AK9: variants seen among roughly 807,000 people sequenced by gnomAD.
AK9 encodes the protein adenylate kinase domain containing 1.
Under a neutral mutation model 239.6 loss-of-function variants are expected in AK9, and 191 were observed. The observed-to-expected ratio is 0.80, with a 90% CI of 0.71 to 0.90. The LOEUF (loss-of-function observed/expected upper bound fraction) is 0.90, where lower values mean the gene tolerates loss of function less well. Among genes scored for constraint, AK9 ranks in the 40% least tolerant of loss-of-function variants. The pLI, the probability that AK9 is intolerant of heterozygous loss-of-function variation, is 0.00. For missense variants in AK9, 1,995 were observed against 2,214.7 expected (o/e 0.90, Z 1.99); for synonymous variants, 689 against 721.0 (o/e 0.96, Z 0.71).
At chr6:109,649,202 C>T (rs1798545154) in intron 8 of AK9, among the ~76,000 whole-genome samples, 1 of 152,108 alleles carries the variant, frequency 6.6e-6, no homozygotes, top group African/African-American at 2.4e-5. Context: ...TGCCCTCTCT[C>T]ACCACTCCTA....
intron 26 of AK9, among the ~76,000 whole-genome samples, chr6:109,543,789 G>A (rs1783188930): frequency 6.6e-6 from 1 of 151,836 alleles, no homozygotes; most frequent in Non-Finnish European, 1.5e-5. Context: ...AGTTTCTCCT[G>A]AACGCTACTA....
At chr6:109,651,931 A>C (rs903707919) in intron 8 of AK9, among the ~76,000 whole-genome samples, 1 of 152,164 alleles carries the variant, frequency 6.6e-6, no homozygotes, top group Non-Finnish European at 1.5e-5. Flanking sequence ...CAACCAAAAA[A>C]AGTCCAGGAC....
Position 109,545,589 on chromosome 6 carries a change from T to G in AK9, c.3225+278A>C, listed in dbSNP as rs548578462. Among the ~76,000 whole-genome samples the G allele has an allele frequency of 2.0e-5, 3 of 152,300 alleles. No individual in the cohort carries two copies. The East Asian group carries it at 5.8e-4, about 29-fold the overall frequency. ...TCCTCCTTGCCTTCTGCCATGACTG[T>G]GAAGCCTCCCCAGCCACATGGAACT... On this transcript the variant is annotated intron_variant, in intron 26 of 40. Transcript: ENST00000424296.
chr6:109,530,283 T>G lies in AK9; in HGVS notation c.3571-1210A>C, dbSNP rs542620647. Among the ~76,000 whole-genome samples, 13 of 152,282 alleles carry G rather than the reference T, an allele frequency of 8.5e-5. No individual in the cohort carries two copies. The East Asian group carries it at 2.5e-3, about 29-fold the overall frequency. ...GCAGAACCTGGGTGCTTTCATCTGGTTGCTATTGAGTACACATTCCTGAGA... is the reference window on the plus strand; with the variant it reads ...GCAGAACCTGGGTGCTTTCATCTGGGTGCTATTGAGTACACATTCCTGAGA... On this transcript the variant is annotated intron_variant, in intron 28 of 40. Coordinates refer to ENST00000424296, the MANE Select transcript of AK9 (RefSeq NM_001145128.3).
At chr6:109,604,896 T>A (rs1344288961) in intron 17 of AK9, among the ~76,000 whole-genome samples, 1 of 152,236 alleles carries the variant, frequency 6.6e-6, no homozygotes, top group African/African-American at 2.4e-5. Flanking sequence ...GGATCCTTCA[T>A]CTTTATTTCA....
At chr6:109,494,391 C>T (rs895313866) in intron 39 of AK9, 1 of 235,632 alleles carries the variant, frequency 4.2e-6, no homozygotes, top group Non-Finnish European at 8.2e-6. Flanking sequence ...TTTTTTATAA[C>T]AAAAAGTTAA....
At chr6:109,495,983 A>T (rs59579490) in intron 38 of AK9, among the ~76,000 whole-genome samples, 7,235 of 137,746 alleles carry the variant, frequency 0.053, 275 homozygotes, top group East Asian at 0.11. Flanking sequence ...TTCCCCATTT[A>T]AAAAAAAAAA....
chr6:109,507,671 A>T (rs1778249795), intron 33 of AK9, among the ~76,000 whole-genome samples: 1 of 152,202 alleles, frequency 6.6e-6, no homozygotes, highest in Admixed American at 6.5e-5. Context: ...GGTGGTCATC[A>T]GGAAGTTTGG....
At chr6:109,570,401 A>G (rs978133204) in intron 21 of AK9, among the ~76,000 whole-genome samples, 1 of 152,150 alleles carries the variant, frequency 6.6e-6, no homozygotes, top group Non-Finnish European at 1.5e-5. Context: ...CATGTTGTGC[A>G]CATGTACCCT....
At position 109,498,928 on chromosome 6, in the gene AK9, C is replaced by T. The variant is rs997227611; in HGVS notation, c.5046+116G>A. 1.9e-4 allele frequency: 156 copies of T among 834,494 alleles called. 1 individual carries two copies. In the African/African-American group the frequency reaches 2.6e-3, roughly 14 times the overall value. The allele number at this position is 834,494 out of a possible 1,614,324, so 51.7% of individuals were successfully genotyped here. The stretch of plus-strand genomic sequence containing the variant: ...TTCACTGGTCCCAGAGTCACAAGTT[C>T]CAGTAATGGGGCTCCTAGTCCCAAG... On this transcript the variant is annotated intron_variant, in intron 36 of 40. Transcript: ENST00000424296.
rs117641350 is a variant in AK9 at position 109,516,799 on chromosome 6, A to G, written c.3634-157T>C. Among the ~76,000 whole-genome samples, 87 of 152,294 alleles carry G rather than the reference A, an allele frequency of 5.7e-4. 1 individual carries two copies. In the East Asian group the frequency reaches 0.013, roughly 23 times the overall value. ...CGCAATAAGGTTTTAAATATCTGAC[A>G]CTTTTGGGGGTGTTATAGAACACTT... On this transcript the variant is annotated intron_variant, in intron 29 of 40. Coordinates refer to ENST00000424296, the MANE Select transcript of AK9 (RefSeq NM_001145128.3).
intron 8 of AK9, among the ~76,000 whole-genome samples, chr6:109,656,183 A>G (rs543694897): frequency 3.6e-4 from 55 of 152,284 alleles, no homozygotes; most frequent in African/African-American, 1.3e-3. Context: ...TCTTACCTGG[A>G]CTTTTTACCA....
intron 12 of AK9, among the ~76,000 whole-genome samples, chr6:109,620,019 T>C (rs913799655): frequency 7.2e-5 from 11 of 152,166 alleles, no homozygotes; most frequent in Admixed American, 3.9e-4. Flanking sequence ...ATGGATTTCA[T>C]TGTATGAATA....
chr6:109,506,916 A>T, intron 33 of AK9, 116 bp from the exon 34 acceptor site: 2 of 1,375,894 alleles, frequency 1.5e-6, no homozygotes, highest in South Asian at 3.4e-5. Flanking sequence ...TTCCTTATGT[A>T]ACTCAATTTA....
At chr6:109,674,346 G>T in intron 2 of AK9, 85 bp from the exon 3 acceptor site, 1 of 893,042 alleles carries the variant, frequency 1.1e-6, no homozygotes, top group Non-Finnish European at 1.7e-6. Context: ...AGATTCTATT[G>T]CTAGTTACTA....
At chr6:109,582,979 C>T (rs1789042029) in intron 19 of AK9, among the ~76,000 whole-genome samples, 1 of 152,144 alleles carries the variant, frequency 6.6e-6, no homozygotes, top group African/African-American at 2.4e-5. Context: ...AGATGATCAT[C>T]ACCATGTTAT....
At chr6:109,569,788 T>C (rs887530430) in intron 21 of AK9, among the ~76,000 whole-genome samples, 1 of 152,158 alleles carries the variant, frequency 6.6e-6, no homozygotes, top group Non-Finnish European at 1.5e-5. Context: ...CAACAGGTGC[T>C]GGAGAGGATG....
intron 17 of AK9, among the ~76,000 whole-genome samples, chr6:109,606,277 GA>G (rs2128235347): frequency 6.6e-6 from 1 of 152,092 alleles, no homozygotes; most frequent in Non-Finnish European, 1.5e-5. Context: ...TAGATAGATA[GA>G]TAGATAGATA....
chr6:109,494,151 T>C, intron 39 of AK9, 56 bp from the exon 40 acceptor site: 2 of 1,201,240 alleles, frequency 1.7e-6, no homozygotes, highest in Non-Finnish European at 2.4e-6. Flanking sequence ...TTTCTTTTCT[T>C]AGTGCCAATA....
Sources: allele counts gnomAD v4.1 joint callset (sites outside exome capture counted in the v4.1 genomes callset), GRCh38; gene constraint gnomAD v4.1.1; transcripts MANE v1.5; gene names NCBI Gene and HGNC (gene_info 2026-07-23, HGNC 2026-07-21).